Variants in KALRN observed in about 807,000 individuals in gnomAD.
KALRN encodes kalirin.
KALRN carries 70 observed loss-of-function variants against 353.7 expected under a neutral mutation model. The observed-to-expected ratio is 0.20, with a 90% confidence interval of 0.16 to 0.24. The LOEUF is 0.24. Among genes scored for constraint, KALRN ranks in the 10% least tolerant of loss-of-function variants. KALRN has a pLI of 1.00. For synonymous variants in KALRN, 1,391 were observed against 1,434.8 expected (o/e 0.97, Z 0.69); for missense variants, 2,791 against 3,756.7 (o/e 0.74, Z 6.72).
At position 124,490,781 on chromosome 3, in the gene KALRN, G is replaced by T; in HGVS notation, c.4484G>T (p.Gly1495Val). The change falls in exon 30 of 60, where the codon GGG becomes GTG. Residue 1495 changes from glycine (G) to valine (V), a missense_variant. This residue lies in a region of KALRN where 239 missense variants were observed against 351.3 expected (regional missense o/e 0.68). Transcript: ENST00000682506. ...VWDPKSLIRK[G>V]RERHLFLFEI... is the part of the protein sequence containing the mutation. ...GACCCGAAGTCGCTGATCCGGAAGG[G>T]GCGGGAGCGGCACTTGTTCCTCTTT... 1 of 1,613,936 alleles carries T rather than the reference G, an allele frequency of 6.2e-7. No homozygotes were observed. Among genetic ancestry groups the T allele is most frequent in the Non-Finnish European group, 8.5e-7 (1 of 1,179,900 alleles).
Position 124,668,043 on chromosome 3 carries a change from G to GACACACACACAC in KALRN, c.6703+900_6703+911dup, listed in dbSNP as rs55672121. On this transcript the variant is annotated intron_variant, in intron 47 of 59. Transcript: ENST00000682506. ...GAAAACACATATGCCTGTATATCGA[G>GACACACACACAC]ACACACACACACACACACACACACA... 3.1e-3 allele frequency among the ~76,000 whole-genome samples: 432 copies of GACACACACACAC among 138,392 alleles called. 2 individuals carry two copies. Among genetic ancestry groups the GACACACACACAC allele is most frequent in the African/African-American group, 4.5e-3 (166 of 36,940 alleles). 90.8% of individuals were successfully genotyped at this position (138,392 alleles called of 152,430 possible). A position where few individuals can be genotyped will look rare whatever the true frequency, so the allele number is the denominator to read the frequency against.
chr3:124,122,970 A>G (rs1347731866), intron 1 of KALRN, among the ~76,000 whole-genome samples: 1 of 152,100 alleles, frequency 6.6e-6, no homozygotes, highest in Non-Finnish European at 1.5e-5. Flanking sequence ...TGGGAGGCCG[A>G]GGTGAGTGGA....
At chr3:124,603,370 C>T (rs1422334642) in intron 34 of KALRN, among the ~76,000 whole-genome samples, 6 of 152,200 alleles carry the variant, frequency 3.9e-5, no homozygotes, top group Admixed American at 2.6e-4. Context: ...AATTGATTCA[C>T]TTAATTTTCT....
At chr3:124,220,328 A>C (rs1229812900) in intron 1 of KALRN, among the ~76,000 whole-genome samples, 1 of 152,084 alleles carries the variant, frequency 6.6e-6, no homozygotes. Context: ...ATAGCTCCTT[A>C]GTGTCTATAA....
intron 34 of KALRN, among the ~76,000 whole-genome samples, chr3:124,629,391 A>G (rs1281037856): frequency 6.6e-6 from 1 of 152,156 alleles, no homozygotes; most frequent in African/African-American, 2.4e-5. Flanking sequence ...CAACAACAAA[A>G]AAAACTCTTT....
intron 3 of KALRN, among the ~76,000 whole-genome samples, chr3:124,236,311 A>C (rs113917166): frequency 3.3e-5 from 5 of 152,252 alleles, no homozygotes; most frequent in Admixed American, 6.5e-5. Context: ...GTCATTATAA[A>C]GAAGAAATAC....
chr3:124,195,325 C>T (rs1375760605), intron 1 of KALRN, among the ~76,000 whole-genome samples: 1 of 152,136 alleles, frequency 6.6e-6, no homozygotes, highest in Non-Finnish European at 1.5e-5. Context: ...TGGGATGCTG[C>T]CTTTGCTAAA....
chr3:124,297,123 C>T (rs1460830943), intron 5 of KALRN, among the ~76,000 whole-genome samples: 1 of 152,230 alleles, frequency 6.6e-6, no homozygotes, highest in Non-Finnish European at 1.5e-5. Flanking sequence ...CCTCATGCCA[C>T]CTCCAGCGGT....
intron 1 of KALRN, among the ~76,000 whole-genome samples, chr3:124,133,985 C>T (rs2065620311): frequency 6.6e-6 from 1 of 152,096 alleles, no homozygotes; most frequent in South Asian, 2.1e-4. Flanking sequence ...ATGCAATCCC[C>T]ATCAAAATAC....
chr3:124,549,320 A>AACACACAC (rs10542227), intron 33 of KALRN, among the ~76,000 whole-genome samples: 6 of 146,026 alleles, frequency 4.1e-5, no homozygotes, highest in Admixed American at 1.4e-4. Flanking sequence ...CCAAGAAGCC[A>AACACACAC]ACACACACAC....
chr3:124,462,048 C>G (rs780020663), intron 24 of KALRN, 92 bp downstream of exon 24: 4 of 895,498 alleles, frequency 4.5e-6, no homozygotes, highest in Non-Finnish European at 7.4e-6. Context: ...TGCTATTGGT[C>G]TTCTCCCAGA....
At chr3:124,387,520 C>T (rs908706652) in intron 11 of KALRN, among the ~76,000 whole-genome samples, 5 of 152,100 alleles carry the variant, frequency 3.3e-5, no homozygotes, top group Non-Finnish European at 5.9e-5. Flanking sequence ...GTAGTAAGTA[C>T]GGAAATTGAC....
chr3:124,302,214 C>G (rs1185191845), intron 6 of KALRN, among the ~76,000 whole-genome samples: 3 of 152,124 alleles, frequency 2.0e-5, no homozygotes, highest in African/African-American at 7.2e-5. Context: ...GTGAACAAGA[C>G]AGAGATGATT....
intron 23 of KALRN, among the ~76,000 whole-genome samples, chr3:124,457,195 G>A (rs1051334111): frequency 6.6e-6 from 1 of 151,822 alleles, no homozygotes; most frequent in Non-Finnish European, 1.5e-5. Context: ...TCAGCCTCCC[G>A]AGTAGCTGGG....
chr3:124,490,617 C>A, intron 29 of KALRN, 77 bp from the exon 30 acceptor site: 1 of 1,396,356 alleles, frequency 7.2e-7, no homozygotes. Context: ...AGGCCTTTCT[C>A]CAAGAGGGGG....
intron 1 of KALRN, among the ~76,000 whole-genome samples, chr3:124,060,751 G>A (rs1257438391): frequency 6.6e-6 from 1 of 152,236 alleles, no homozygotes; most frequent in Admixed American, 6.5e-5. Flanking sequence ...CTGAGCATGC[G>A]GTGATGGTGC....
At chr3:124,674,325 C>T (rs2086891043) in intron 48 of KALRN, 39 bp from the exon 49 acceptor site, 2 of 1,587,360 alleles carry the variant, frequency 1.3e-6, no homozygotes, top group Non-Finnish European at 1.7e-6. Context: ...GAACTAGCGT[C>T]CTTGTGTTTG....
At chr3:124,405,638 G>GTTTTTTTTTTTTTTTTTTTTTTTT (rs71145451) in intron 13 of KALRN, among the ~76,000 whole-genome samples, 1 of 83,868 alleles carries the variant, frequency 1.2e-5, no homozygotes, top group Non-Finnish European at 2.2e-5. Flanking sequence ...GGACCTCAGG[G>GTTTTTTTTTTTTTTTTTTTTTTTT]TTTTTTTTTT....
chr3:124,585,708 C>CT (rs2075107195), intron 34 of KALRN, among the ~76,000 whole-genome samples: 2 of 152,294 alleles, frequency 1.3e-5, no homozygotes, highest in African/African-American at 4.8e-5. Context: ...GTTCATGTCA[C>CT]TTTAACACAC....
Sources: allele counts gnomAD v4.1 joint callset (sites outside exome capture counted in the v4.1 genomes callset), GRCh38; gene constraint gnomAD v4.1.1; regional missense constraint gnomAD v4.1.1; transcripts MANE v1.5; gene names NCBI Gene and HGNC (gene_info 2026-07-23, HGNC 2026-07-21).